Variants in DLC1 observed in about 807,000 individuals in gnomAD.
DLC1 encodes rho GTPase-activating protein 7.
In DLC1, 54 loss-of-function variants were observed where a neutral mutation model predicts 140.3. That is an observed-to-expected ratio of 0.38 (90% CI 0.31 to 0.48). The LOEUF is 0.48. Among genes scored for constraint, DLC1 ranks in the 20% least tolerant of loss-of-function variants. The pLI is 0.96. For missense variants in DLC1, 2,536 were observed against 1,907.0 expected, an observed-to-expected ratio of 1.33 and a Z score of -6.14; for synonymous variants, 986 against 728.1, an observed-to-expected ratio of 1.35 and a Z score of -5.70.
At chr8:13,478,837 T>G (rs1800555149) in intron 2 of DLC1, among the ~76,000 whole-genome samples, 1 of 152,254 alleles carries the variant, frequency 6.6e-6, no homozygotes, top group African/African-American at 2.4e-5. Flanking sequence ...CTTTCTTCAA[T>G]TCTCGTTCTC....
chr8:13,543,890 A>T (rs1803567597), intron 1 of DLC1, among the ~76,000 whole-genome samples: 1 of 152,092 alleles, frequency 6.6e-6, no homozygotes, highest in African/African-American at 2.4e-5. Context: ...CATATTGGGT[A>T]CAATGTACAC....
intron 5 of DLC1, among the ~76,000 whole-genome samples, chr8:13,193,665 G>C (rs1826887474): frequency 1.3e-5 from 2 of 152,170 alleles, no homozygotes; most frequent in Admixed American, 1.3e-4. Context: ...TTCCAAAAAA[G>C]CTCTGGCCAG....
intron 1 of DLC1, among the ~76,000 whole-genome samples, chr8:13,600,124 G>T (rs1330316705): frequency 6.6e-6 from 1 of 151,884 alleles, no homozygotes; most frequent in African/African-American, 2.4e-5. Context: ...TTTAGGAGTT[G>T]TACCAAAAAT....
intron 2 of DLC1, among the ~76,000 whole-genome samples, chr8:13,475,144 A>T (rs1800382473): frequency 6.6e-6 from 1 of 152,058 alleles, no homozygotes; most frequent in Non-Finnish European, 1.5e-5. Context: ...AGCCAAAGAG[A>T]TCAGATCATA....
chr8:13,538,994 T>C (rs1803394184), intron 1 of DLC1, among the ~76,000 whole-genome samples: 1 of 152,178 alleles, frequency 6.6e-6, no homozygotes, highest in Admixed American at 6.5e-5. Flanking sequence ...CTGTCATCAT[T>C]TTTCTATTTA....
intron 16 of DLC1, among the ~76,000 whole-genome samples, chr8:13,088,033 T>A (rs1371876003): frequency 6.6e-6 from 1 of 152,310 alleles, no homozygotes; most frequent in African/African-American, 2.4e-5. Context: ...TAAATGTAGA[T>A]CTGTTTTCCA....
At chr8:13,470,558 A>C (rs563775896) in intron 2 of DLC1, among the ~76,000 whole-genome samples, 1 of 152,222 alleles carries the variant, frequency 6.6e-6, no homozygotes, top group Non-Finnish European at 1.5e-5. Flanking sequence ...AATTAAAAGC[A>C]CAGTGAAATA....
chr8:13,348,506 A>C (rs545615635), intron 4 of DLC1, among the ~76,000 whole-genome samples: 2 of 152,314 alleles, frequency 1.3e-5, no homozygotes, highest in African/African-American at 4.8e-5. Context: ...GACAAACTGG[A>C]AAGGATACCA....
At chr8:13,292,005 A>G (rs561122441) in intron 5 of DLC1, among the ~76,000 whole-genome samples, 11 of 145,310 alleles carry the variant, frequency 7.6e-5, no homozygotes, top group South Asian at 4.3e-4. Context: ...TTTTTTTTCT[A>G]TCTTCTGTCT....
chr8:13,100,697 C>A lies in DLC1; in HGVS notation c.1640G>T (p.Trp547Leu), dbSNP rs1818997578. ...KWTFQRDSKR[W>L]SRLEEFDVFS... is the part of the protein sequence containing the mutation. ...GACATCAAACTCTTCAAGCCGGGAC[C>A]ACCTCTTGCTGTCCCTTTGGAAAGT... is the stretch of plus-strand genomic sequence containing the variant. Residue 547 changes from tryptophan to leucine, a missense_variant, in exon 9 of 18, where the codon TGG becomes TTG. Coordinates refer to ENST00000276297, the MANE Select transcript of DLC1 (RefSeq NM_182643.3). 2 of 1,612,470 alleles carry A rather than the reference C, an allele frequency of 1.2e-6. No individual in the cohort carries two copies. The highest frequency in any genetic ancestry group is 2.7e-5 in the African/African-American group (2 of 74,872).
chr8:13,448,930 T>C (rs1798921377), intron 2 of DLC1, among the ~76,000 whole-genome samples: 1 of 152,026 alleles, frequency 6.6e-6, no homozygotes, highest in African/African-American at 2.4e-5. Context: ...TTTCAGGAGG[T>C]TTTGGAGCAT....
chr8:13,593,560 G>T (rs145431578), intron 1 of DLC1, among the ~76,000 whole-genome samples: 1 of 152,206 alleles, frequency 6.6e-6, no homozygotes, highest in East Asian at 1.9e-4. Context: ...ATGTGAAAGA[G>T]TGAAGAGATG....
chr8:13,535,043 T>C (rs1803228973), intron 1 of DLC1, among the ~76,000 whole-genome samples: 2 of 152,174 alleles, frequency 1.3e-5, no homozygotes, highest in African/African-American at 2.4e-5. Flanking sequence ...TGAGAGTTCT[T>C]TATACACCAG....
intron 1 of DLC1, among the ~76,000 whole-genome samples, chr8:13,502,825 G>C (rs1417045979): frequency 2.0e-5 from 3 of 152,128 alleles, no homozygotes; most frequent in African/African-American, 4.8e-5. Context: ...CTGAGGATTT[G>C]GATGGAGGAT....
intron 2 of DLC1, among the ~76,000 whole-genome samples, chr8:13,467,657 A>G (rs10087164): frequency 0.025 from 3,736 of 152,120 alleles, 140 homozygotes; most frequent in African/African-American, 0.085. Context: ...CTTGAGCCCA[A>G]GAGGTTGAGG....
intron 5 of DLC1, among the ~76,000 whole-genome samples, chr8:13,296,847 C>T (rs376394645): frequency 9.0e-4 from 136 of 151,844 alleles, no homozygotes; most frequent in African/African-American, 3.1e-3. Context: ...GGGAAGACCA[C>T]TTCAAATGTG....
chr8:13,117,551 A>G (rs544870007), intron 5 of DLC1, among the ~76,000 whole-genome samples: 28 of 152,364 alleles, frequency 1.8e-4, no homozygotes, highest in Non-Finnish European at 3.4e-4. Flanking sequence ...ATAGATATGG[A>G]AAGAAAAAAG....
intron 5 of DLC1, among the ~76,000 whole-genome samples, chr8:13,131,241 C>T (rs888449109): frequency 6.6e-6 from 1 of 152,028 alleles, no homozygotes. Context: ...AGATGGATGG[C>T]GAATTAGTCA....
At chr8:13,117,989 CT>C (rs1820712727) in intron 5 of DLC1, among the ~76,000 whole-genome samples, 1 of 142,396 alleles carries the variant, frequency 7.0e-6, no homozygotes, top group Non-Finnish European at 1.5e-5. Context: ...ATATTCCTGT[CT>C]TCTTGTTCTC....
Sources: gnomAD v4.1 joint callset for allele counts (sites outside exome capture counted in the v4.1 genomes callset) on GRCh38, gnomAD v4.1.1 for gene constraint, MANE v1.5 for transcripts, NCBI Gene and HGNC (gene_info 2026-07-23, HGNC 2026-07-21) for gene names.